Variants in SEC23A observed in about 807,000 individuals in gnomAD.
The protein encoded by SEC23A is SEC23 homolog A, COPII component, also known as protein transport protein Sec23A.
In SEC23A, 56 loss-of-function variants were observed where a neutral mutation model predicts 103.7. That is an observed-to-expected ratio of 0.54 (90% CI 0.44 to 0.67). SEC23A has a LOEUF of 0.67. Ranked by LOEUF, SEC23A falls within the 30% of genes least tolerant of loss-of-function variation. SEC23A has a pLI of 0.00. For missense variants in SEC23A, 784 were observed against 936.4 expected (o/e 0.84, Z 2.12); for synonymous variants, 281 against 293.0 (o/e 0.96, Z 0.42).
chr14:39,062,248 G>A (rs537250025), intron 12 of SEC23A, among the ~76,000 whole-genome samples: 13 of 152,218 alleles, frequency 8.5e-5, no homozygotes, highest in African/African-American at 1.4e-4. Context: ...CTTGGGACCC[G>A]AAATGTTTTG....
chr14:39,087,833 C>T (rs1391221005), intron 5 of SEC23A: 1 of 152,134 alleles, frequency 6.6e-6, no homozygotes. Context: ...ATATTCTATG[C>T]TAAAACCTTT....
chr14:39,095,716 T>C (rs1887862712), intron 2 of SEC23A, among the ~76,000 whole-genome samples, 182 bp downstream of exon 2: 1 of 152,218 alleles, frequency 6.6e-6, no homozygotes, highest in Non-Finnish European at 1.5e-5. Flanking sequence ...TCTCTTTATA[T>C]TACCAACTCA....
intron 2 of SEC23A, chr14:39,094,937 G>A (rs1332551002): frequency 2.9e-6 from 2 of 687,798 alleles, no homozygotes; most frequent in Admixed American, 4.4e-5. Context: ...CTCATTCCAA[G>A]AATAAGAAGC....
chr14:39,048,354 T>C (rs1258267569), intron 15 of SEC23A, among the ~76,000 whole-genome samples: 1 of 151,914 alleles, frequency 6.6e-6, no homozygotes, highest in African/African-American at 2.4e-5. Context: ...TGTCTGGATG[T>C]GGCAATCTTA....
At chr14:39,090,900 CA>C in intron 5 of SEC23A, 1 of 273,060 alleles carries the variant, frequency 3.7e-6, no homozygotes, top group South Asian at 3.7e-5. Context: ...GATTTGTTTG[CA>C]AAGGACTGGC....
intron 17 of SEC23A, among the ~76,000 whole-genome samples, chr14:39,042,067 G>A (rs544399251): frequency 3.3e-5 from 5 of 152,058 alleles, no homozygotes; most frequent in African/African-American, 7.2e-5. Flanking sequence ...AATTAGAGGC[G>A]TGAGCCACCA....
At chr14:39,050,266 T>A (rs1238318855) in intron 14 of SEC23A, among the ~76,000 whole-genome samples, 1 of 152,162 alleles carries the variant, frequency 6.6e-6, no homozygotes, top group African/African-American at 2.4e-5. Flanking sequence ...CAGTAATGAT[T>A]TTCCTGAGGA....
Position 39,094,422 on chromosome 14 carries a change from ATATATATATATATATATATAT to A in SEC23A, c.222-1199_222-1179del, listed in dbSNP as rs1887802531. ...CATATATATATATATATATATATAT[ATATATATATATATATATATAT>A]TTTTTTTTTTTTTTTTTCCCCTCCT... is the stretch of plus-strand genomic sequence containing the variant. On this transcript the variant is annotated intron_variant, in intron 2 of 19. Transcript: ENST00000307712. Among the ~76,000 whole-genome samples the A allele has an allele frequency of 9.4e-5, 6 of 63,496 alleles. 1 individual carries two copies. Among genetic ancestry groups the A allele is most frequent in the Middle Eastern group, 9.8e-3 (1 of 102 alleles). The allele number at this position is 63,496 out of a possible 152,430, so 41.7% of individuals were successfully genotyped here.
chr14:39,092,673 G>T, intron 3 of SEC23A, 46 bp from the exon 4 acceptor site: 1 of 1,081,966 alleles, frequency 9.2e-7, no homozygotes, highest in South Asian at 1.4e-5. Flanking sequence ...TTATAGGCTA[G>T]AAAGATTAAT....
chr14:39,053,375 T>C (rs1239524003), intron 14 of SEC23A, among the ~76,000 whole-genome samples: 1 of 152,158 alleles, frequency 6.6e-6, no homozygotes, highest in Non-Finnish European at 1.5e-5. Flanking sequence ...TTTTCTGCTA[T>C]CCTAAATAAG....
rs764035226 is a variant in SEC23A, at chr14:39,045,156, C to G, written c.1899+7G>C. On this transcript the variant is annotated splice_region_variant and intron_variant, in intron 16 of 19. Coordinates refer to ENST00000307712, the MANE Select transcript of SEC23A (RefSeq NM_006364.4). ...AAGACCAATTTATTTTTTTCTGTCC[C>G]TCTTACCTCTGGTGGTCCACTAAAA... 11 of 1,612,722 alleles carry G rather than the reference C, an allele frequency of 6.8e-6. No individual in the cohort carries two copies. Among genetic ancestry groups the G allele is most frequent in the Non-Finnish European group, 9.3e-6 (11 of 1,179,344 alleles).
At chr14:39,042,563 G>A (rs542424742) in intron 17 of SEC23A, among the ~76,000 whole-genome samples, 76 of 152,248 alleles carry the variant, frequency 5.0e-4, no homozygotes, top group South Asian at 3.7e-3. Context: ...TGTGCTTTGC[G>A]CAAAATCCAA....
chr14:39,051,645 C>T (rs1566486795), intron 14 of SEC23A, among the ~76,000 whole-genome samples: 1 of 151,926 alleles, frequency 6.6e-6, no homozygotes, highest in East Asian at 1.9e-4. Flanking sequence ...ACATATACAC[C>T]ATGAAATACT....
At chr14:39,090,319 A>T (rs1032103764) in intron 5 of SEC23A, among the ~76,000 whole-genome samples, 1 of 152,138 alleles carries the variant, frequency 6.6e-6, no homozygotes, top group Non-Finnish European at 1.5e-5. Flanking sequence ...ACAATCTTAT[A>T]TTATATATAT....
chr14:39,092,716 AATT>A, intron 3 of SEC23A, 89 bp from the exon 4 acceptor site: 2 of 754,270 alleles, frequency 2.7e-6, no homozygotes, highest in East Asian at 5.6e-5. Flanking sequence ...CTGATCATTT[AATT>A]ATTTTTAAAA....
rs546605859 is a variant in SEC23A at position 39,055,281 on chromosome 14, T to A, written c.1521A>T (p.Gln507His). Residue 507 changes from glutamine (Q) to histidine (H), a missense_variant, in exon 14 of 20, where the codon CAA becomes CAT. Gln to His is a conservative substitution (Grantham distance 24). This residue lies in a region of SEC23A where 683 missense variants were observed against 774.2 expected (regional missense o/e 0.88). Coordinates refer to ENST00000307712, the MANE Select transcript of SEC23A (RefSeq NM_006364.4). ...ATGCAGCAATGTTTTGGATTTGAGT[T>A]TGAGCATCTGCCCAGCTGAAGACAA... is the stretch of plus-strand genomic sequence containing the variant. ...TTIARNWADA[Q>H]TQIQNIAASF... The A allele has an allele frequency of 1.9e-6, 3 of 1,614,162 alleles. No homozygotes were observed. Among genetic ancestry groups the A allele is most frequent in the East Asian group, 2.2e-5 (1 of 44,884 alleles).
intron 15 of SEC23A, chr14:39,047,361 A>G: frequency 7.8e-7 from 1 of 1,282,148 alleles, no homozygotes; most frequent in Admixed American, 2.3e-5. Flanking sequence ...AAAGAATTTT[A>G]CATGCCTTAA....
rs1887769137 is a variant in SEC23A at position 39,094,281 on chromosome 14, CACATATATATGCATATATACACATAT to C, written c.222-1063_222-1038del. On this transcript the variant is annotated intron_variant, in intron 2 of 19. Coordinates refer to ENST00000307712, the MANE Select transcript of SEC23A (RefSeq NM_006364.4). ...ATATATATGCATATATACACATATA[CACATATATATGCATATATACACATAT>C]ACATATATATGCATATATACACATA... is the stretch of plus-strand genomic sequence containing the variant. Among the ~76,000 whole-genome samples, 4 of 27,342 alleles carry C rather than the reference CACATATATATGCATATATACACATAT, an allele frequency of 1.5e-4. 1 individual carries two copies. Among genetic ancestry groups the C allele is most frequent in the Non-Finnish European group, 3.1e-4 (4 of 13,066 alleles). The allele number at this position is 27,342 out of a possible 152,430, so 17.9% of individuals were successfully genotyped here.
At position 39,042,200 on chromosome 14, in the gene SEC23A, T is replaced by C. The variant is rs1018317837; in HGVS notation, c.1986+586A>G. On this transcript the variant is annotated intron_variant, in intron 17 of 19. Coordinates refer to ENST00000307712, the MANE Select transcript of SEC23A (RefSeq NM_006364.4). Reference sequence around the variant, plus strand: ...AACAGATCTGTGAAAAAAGAACACATCTATATCTTCCAAAGCATCCAGAGG... The same window carrying C: ...AACAGATCTGTGAAAAAAGAACACACCTATATCTTCCAAAGCATCCAGAGG... Among the ~76,000 whole-genome samples, 17 of 152,270 alleles carry C rather than the reference T, an allele frequency of 1.1e-4. No homozygotes were observed. The East Asian group carries it at 3.1e-3, about 28-fold the overall frequency.
Sources: allele counts gnomAD v4.1 joint callset (sites outside exome capture counted in the v4.1 genomes callset), GRCh38; gene constraint gnomAD v4.1.1; regional missense constraint gnomAD v4.1.1; transcripts MANE v1.5; gene names NCBI Gene and HGNC (gene_info 2026-07-23, HGNC 2026-07-21).